The following USP15 variants were observed in gnomAD, a reference collection of about 807,000 sequenced individuals.
USP15 encodes the protein ubiquitin specific peptidase 15.
In USP15, 18 loss-of-function variants were observed where a neutral mutation model predicts 127.1. The ratio of observed to expected loss-of-function variants is 0.14; its 90% CI spans 0.10 to 0.21. The LOEUF is 0.21. Ranked by LOEUF, USP15 falls within the 10% of genes least tolerant of loss-of-function variation. The pLI is 1.00. For synonymous variants in USP15, 364 were observed against 393.7 expected, an observed-to-expected ratio of 0.92 and a Z score of 0.89; for missense variants, 805 against 1,159.9, an observed-to-expected ratio of 0.69 and a Z score of 4.44.
Position 62,324,594 on chromosome 12 carries a change from G to T in USP15, c.622-1278G>T, listed in dbSNP as rs369119411. Among the ~76,000 whole-genome samples, 4 of 151,932 alleles carry T rather than the reference G, an allele frequency of 2.6e-5. No homozygotes were observed. The South Asian group carries it at 8.3e-4, about 32-fold the overall frequency. ...CAGAAAATTGAGACAGTGATTACTT[G>T]TCTCTAGTAGGTAGGGAGAGGAAGG... On this transcript the variant is annotated intron_variant, in intron 5 of 21. Coordinates refer to ENST00000280377, the MANE Select transcript of USP15 (RefSeq NM_001252078.2).
In USP15 at chr12:62,405,416, C is replaced by A. The variant is rs1307017166; in HGVS notation, c.*1041C>A. The stretch of plus-strand genomic sequence containing the variant: ...CCTGATGGAATTCACCATAGCCTTA[C>A]AGCTTTTCTCAGAAGGTAACTTGTT... On this transcript the variant is annotated 3_prime_UTR_variant, in exon 22 of 22. Coordinates refer to ENST00000280377, the MANE Select transcript of USP15 (RefSeq NM_001252078.2). 1 of 152,536 alleles carries A rather than the reference C, an allele frequency of 6.6e-6. No homozygotes were observed. Among genetic ancestry groups the A allele is most frequent in the East Asian group, 1.9e-4 (1 of 5,200 alleles). 9.4% of individuals were successfully genotyped at this position (152,536 alleles called of 1,614,324 possible).
At chr12:62,291,929 T>C (rs1171788584) in intron 1 of USP15, among the ~76,000 whole-genome samples, 8 of 152,296 alleles carry the variant, frequency 5.3e-5, no homozygotes, top group Non-Finnish European at 5.9e-5. Context: ...CCAGATTGGG[T>C]TGTGCAGTTC....
At chr12:62,277,279 A>G (rs909412121) in intron 1 of USP15, among the ~76,000 whole-genome samples, 1 of 152,172 alleles carries the variant, frequency 6.6e-6, no homozygotes, top group East Asian at 1.9e-4. Flanking sequence ...ACCATTCAAC[A>G]CATGTAAAGC....
At chr12:62,361,971 T>C (rs1410145185) in intron 8 of USP15, among the ~76,000 whole-genome samples, 9 of 152,090 alleles carry the variant, frequency 5.9e-5, no homozygotes, top group African/African-American at 2.2e-4. Context: ...GTATTGAACC[T>C]GCAGCCTCTG....
At position 62,407,641 on chromosome 12, in the gene USP15, CTTACCT is replaced by C; in HGVS notation, c.*3269_*3274del. The C allele has an allele frequency of 1.3e-5, 2 of 151,826 alleles. No individual in the cohort carries two copies. The highest frequency in any genetic ancestry group is 4.2e-4 in the South Asian group (2 of 4,810). The allele number at this position is 151,826 out of a possible 1,614,324, so 9.4% of individuals were successfully genotyped here. On this transcript the variant is annotated 3_prime_UTR_variant, in exon 22 of 22. Transcript: ENST00000280377. ...GGTAAATACAATGTGACATTTTTTTCTTACCTTTTCATCTAACTTGTGTCCCCTTCT... is the reference window on the plus strand; with the variant it reads ...GGTAAATACAATGTGACATTTTTTTCTTTCATCTAACTTGTGTCCCCTTCT...
At chr12:62,348,707 A>C (rs967643914) in intron 6 of USP15, among the ~76,000 whole-genome samples, 10 of 152,174 alleles carry the variant, frequency 6.6e-5, no homozygotes, top group Non-Finnish European at 1.5e-4. Context: ...AGTCAGATTT[A>C]TGACTTTTCC....
chr12:62,301,904 T>C (rs1399799379), intron 2 of USP15, among the ~76,000 whole-genome samples: 1 of 152,222 alleles, frequency 6.6e-6, no homozygotes, highest in African/African-American at 2.4e-5. Flanking sequence ...CAGTGAGATA[T>C]TTCTGTTCCT....
chr12:62,322,864 T>C (rs2065023811), intron 5 of USP15, among the ~76,000 whole-genome samples: 3 of 152,224 alleles, frequency 2.0e-5, no homozygotes, highest in African/African-American at 7.2e-5. Context: ...GAGCTGCTTA[T>C]AGTTCCCTGA....
chr12:62,297,701 A>C (rs1391867756), intron 2 of USP15, among the ~76,000 whole-genome samples: 4 of 152,220 alleles, frequency 2.6e-5, no homozygotes, highest in Non-Finnish European at 5.9e-5. Context: ...TTTGCCTTTC[A>C]AAGCCAGTTG....
At chr12:62,261,035 A>G (rs774898428) in intron 1 of USP15, among the ~76,000 whole-genome samples, 1 of 152,142 alleles carries the variant, frequency 6.6e-6, no homozygotes, top group African/African-American at 2.4e-5. Flanking sequence ...AGGGCTCCAC[A>G]TAAGAGAAAG....
At chr12:62,270,982 G>A (rs1346780265) in intron 1 of USP15, among the ~76,000 whole-genome samples, 5 of 151,940 alleles carry the variant, frequency 3.3e-5, no homozygotes, top group Admixed American at 2.6e-4. Context: ...AGTAGTATTT[G>A]CAGTGAATGT....
chr12:62,349,202 CAT>C lies in USP15; in HGVS notation c.684-18_684-17del. The C allele has an allele frequency of 7.4e-7, 1 of 1,347,292 alleles. No individual in the cohort carries two copies. The highest frequency in any genetic ancestry group is 9.8e-7 in the Non-Finnish European group (1 of 1,023,120). 83.5% of individuals were successfully genotyped at this position (1,347,292 alleles called of 1,614,324 possible). Reference sequence around the variant, plus strand: ...TTCTTCATTTTTTTATCTAATTTAACATTTTCATATTTTTAAAGGTCCCCAGG... The same window carrying C: ...TTCTTCATTTTTTTATCTAATTTAACTTTCATATTTTTAAAGGTCCCCAGG... On this transcript the variant is annotated splice_polypyrimidine_tract_variant and intron_variant, in intron 6 of 21. Coordinates refer to ENST00000280377, the MANE Select transcript of USP15 (RefSeq NM_001252078.2).
intron 5 of USP15, among the ~76,000 whole-genome samples, chr12:62,322,784 C>T (rs1423311827): frequency 6.6e-6 from 1 of 152,094 alleles, no homozygotes; most frequent in Non-Finnish European, 1.5e-5. Context: ...ATGGTTTAAC[C>T]TTGTACCTAC....
chr12:62,367,407 T>C (rs1190189649), intron 8 of USP15, among the ~76,000 whole-genome samples: 1 of 152,072 alleles, frequency 6.6e-6, no homozygotes, highest in East Asian at 1.9e-4. Context: ...AATTGTATTT[T>C]TTAGTAGAGA....
Position 62,321,464 on chromosome 12 carries a change from A to T in USP15, c.476A>T (p.Asp159Val). 6.4e-7 allele frequency: 1 copy of T among 1,556,280 alleles called. No individual in the cohort carries two copies. Among genetic ancestry groups the T allele is most frequent in the Non-Finnish European group, 8.8e-7 (1 of 1,141,064 alleles). The change falls in exon 5 of 22, where the codon GAT becomes GTT. Residue 159 changes from aspartate (D) to valine (V), a missense_variant and splice_region_variant. Coordinates refer to ENST00000280377, the MANE Select transcript of USP15 (RefSeq NM_001252078.2). ...TRRFSKADTI[D>V]TIEKEIRKIF... is the part of the protein sequence containing the mutation. ...ATATATCTTTCCTCCTTAAATCTAG[A>T]TACAATTGAAAAGGAAATAAGAAAA...
At chr12:62,333,928 G>A (rs187416583) in intron 6 of USP15, among the ~76,000 whole-genome samples, 39 of 152,190 alleles carry the variant, frequency 2.6e-4, no homozygotes, top group African/African-American at 8.9e-4. Flanking sequence ...TAATCATGAA[G>A]GCTCAGGAAA....
At position 62,359,507 on chromosome 12, in the gene USP15, A is replaced by T. The variant is rs2066246867; in HGVS notation, c.915+4032A>T. Among the ~76,000 whole-genome samples the T allele has an allele frequency of 2.0e-5, 3 of 152,146 alleles. No homozygotes were observed. The South Asian group carries it at 6.2e-4, about 31-fold the overall frequency. ...CTGGCACATTATAAATACTGAATAC[A>T]TATTATGTAGAAATTATCTCATCTT... On this transcript the variant is annotated intron_variant, in intron 8 of 21. Transcript: ENST00000280377.
chr12:62,405,211 G>A lies in USP15; in HGVS notation c.*836G>A, dbSNP rs1247327282. On this transcript the variant is annotated 3_prime_UTR_variant, in exon 22 of 22. Coordinates refer to ENST00000280377, the MANE Select transcript of USP15 (RefSeq NM_001252078.2). ...CTGTTTTTCTCTACCCCATTTTGTG[G>A]TAATTTGGCAACTTGAGCTCTCCCA... 2 of 152,030 alleles carry A rather than the reference G, an allele frequency of 1.3e-5. No homozygotes were observed. 9.4% of individuals were successfully genotyped at this position (152,030 alleles called of 1,614,324 possible). A position where few individuals can be genotyped will look rare whatever the true frequency, so the allele number is the denominator to read the frequency against.
At chr12:62,388,117 A>ATTT (rs58192089) in intron 11 of USP15, among the ~76,000 whole-genome samples, 1,697 of 106,566 alleles carry the variant, frequency 0.016, 92 homozygotes, top group African/African-American at 0.056. Context: ...AATGGTGAAG[A>ATTT]TTTTTTTTTT....
Sources: gnomAD v4.1 joint callset for allele counts (sites outside exome capture counted in the v4.1 genomes callset) on GRCh38, gnomAD v4.1.1 for gene constraint, MANE v1.5 for transcripts, NCBI Gene and HGNC (gene_info 2026-07-23, HGNC 2026-07-21) for gene names.